The following INVS variants were observed in gnomAD, a reference collection of about 807,000 sequenced individuals.
INVS encodes inversion of embryo turning homolog.
Under a neutral mutation model 108.8 loss-of-function variants are expected in INVS, and 86 were observed. That is an observed-to-expected ratio of 0.79 (90% CI 0.66 to 0.95). The LOEUF is 0.95. Among genes scored for constraint, INVS ranks in the 40% least tolerant of loss-of-function variants. The pLI, the probability that INVS is intolerant of heterozygous loss-of-function variation, is 0.00. For synonymous variants in INVS, 455 were observed against 473.5 expected (o/e 0.96, Z 0.51); for missense variants, 1,169 against 1,297.4 (o/e 0.90, Z 1.52).
intron 10 of INVS, among the ~76,000 whole-genome samples, chr9:100,259,793 G>A (rs1240628222): frequency 5.9e-5 from 9 of 151,266 alleles, no homozygotes; most frequent in Middle Eastern, 7.0e-3. Flanking sequence ...CAGGTGATCC[G>A]CCCGCCTCGG....
intron 3 of INVS, among the ~76,000 whole-genome samples, chr9:100,225,149 C>G (rs143890893): frequency 1.3e-5 from 2 of 151,738 alleles, no homozygotes; most frequent in African/African-American, 4.8e-5. Flanking sequence ...GCTCCGCCTC[C>G]CAGGTTCACG....
At chr9:100,139,337 T>A (rs758936824) in intron 3 of INVS, among the ~76,000 whole-genome samples, 23 of 152,234 alleles carry the variant, frequency 1.5e-4, no homozygotes, top group Admixed American at 9.2e-4. Flanking sequence ...TATTAACTCC[T>A]TTCCTTTAAC....
rs567046441 is a variant in INVS at position 100,256,862 on chromosome 9, G to A, written c.1464+3726G>A. Among the ~76,000 whole-genome samples, 11 of 152,292 alleles carry A rather than the reference G, an allele frequency of 7.2e-5. 1 individual carries two copies. In the South Asian group the frequency reaches 2.3e-3, roughly 32 times the overall value. ...TCAATTTTGGAATAAGTGCAATGTG[G>A]TACTGAGAAGAATGTATATTCTGTT... On this transcript the variant is annotated intron_variant, in intron 10 of 16. Coordinates refer to ENST00000262457, the MANE Select transcript of INVS (RefSeq NM_014425.5).
At chr9:100,108,773 A>G (rs1459211420) in intron 2 of INVS, among the ~76,000 whole-genome samples, 3 of 152,202 alleles carry the variant, frequency 2.0e-5, no homozygotes, top group Non-Finnish European at 2.9e-5. Flanking sequence ...CTCTTTCTAC[A>G]TACACAACGA....
chr9:100,116,369 A>G (rs549618632), intron 2 of INVS, among the ~76,000 whole-genome samples: 1 of 152,132 alleles, frequency 6.6e-6, no homozygotes, highest in East Asian at 1.9e-4. Context: ...TCTGCCTCCC[A>G]AAGTGCTGGG....
At chr9:100,120,916 C>G (rs1393412416) in intron 2 of INVS, 2 of 152,192 alleles carry the variant, frequency 1.3e-5, no homozygotes, top group Non-Finnish European at 2.9e-5. Context: ...CTAGTCATAG[C>G]TCTAAGCTCC....
intron 3 of INVS, among the ~76,000 whole-genome samples, chr9:100,193,168 TG>T (rs989229143): frequency 6.6e-6 from 1 of 152,014 alleles, no homozygotes; most frequent in African/African-American, 2.4e-5. Context: ...TTTGTAGAGA[TG>T]GGGTGTCGCT....
At chr9:100,182,943 C>T (rs949584986) in intron 3 of INVS, among the ~76,000 whole-genome samples, 1 of 152,074 alleles carries the variant, frequency 6.6e-6, no homozygotes, top group Non-Finnish European at 1.5e-5. Context: ...TACTATGCAG[C>T]CATAAAAAGG....
chr9:100,287,402 A>T (rs1210599732), intron 13 of INVS, among the ~76,000 whole-genome samples: 1 of 152,232 alleles, frequency 6.6e-6, no homozygotes, highest in African/African-American at 2.4e-5. Flanking sequence ...ACCTTTGTGC[A>T]TACTAAGATG....
intron 2 of INVS, among the ~76,000 whole-genome samples, chr9:100,119,887 A>G (rs1382147425): frequency 6.6e-6 from 1 of 152,210 alleles, no homozygotes; most frequent in African/African-American, 2.4e-5. Context: ...GGTACTTAAT[A>G]TGTCAACCTT....
rs764696545 is a variant in INVS at position 100,300,525 on chromosome 9, AAATT to A, written c.3092-39_3092-36del. The A allele has an allele frequency of 9.7e-6, 13 of 1,339,168 alleles. 2 individuals carry two copies. In the South Asian group the frequency reaches 1.5e-4, roughly 16 times the overall value. The allele number at this position is 1,339,168 out of a possible 1,614,324, so 83.0% of individuals were successfully genotyped here. On this transcript the variant is annotated intron_variant, in intron 16 of 16. Coordinates refer to ENST00000262457, the MANE Select transcript of INVS (RefSeq NM_014425.5). ...CAATGAACTATTCCCTTCAGCCTTA[AAATT>A]AATAACCTTAATATCTATCTGGTAT...
chr9:100,270,551 C>T (rs1453434793), intron 11 of INVS, among the ~76,000 whole-genome samples: 1 of 151,758 alleles, frequency 6.6e-6, no homozygotes, highest in Admixed American at 6.6e-5. Flanking sequence ...TCGAGACCAG[C>T]CTGACCAATA....
At chr9:100,217,826 C>A (rs1054687799) in intron 3 of INVS, among the ~76,000 whole-genome samples, 26 of 152,142 alleles carry the variant, frequency 1.7e-4, no homozygotes, top group Non-Finnish European at 1.8e-4. Flanking sequence ...GGGCAGATTG[C>A]CTCTCCCAAC....
At chr9:100,171,879 A>C (rs751108673) in intron 3 of INVS, among the ~76,000 whole-genome samples, 1 of 152,294 alleles carries the variant, frequency 6.6e-6, no homozygotes. Flanking sequence ...TAGATTCATG[A>C]CTTAGGCTCT....
At chr9:100,223,631 T>C (rs758805170) in intron 3 of INVS, among the ~76,000 whole-genome samples, 1 of 152,182 alleles carries the variant, frequency 6.6e-6, no homozygotes, top group Non-Finnish European at 1.5e-5. Context: ...CTGAGAAAAG[T>C]ACTATGAGAG....
chr9:100,122,864 G>A (rs846757), intron 2 of INVS, among the ~76,000 whole-genome samples: 141,019 of 152,108 alleles, frequency 0.93, 65,475 homozygotes, highest in African/African-American at 0.97. Context: ...GATTACAGGC[G>A]TGAGCCACTG....
intron 2 of INVS, chr9:100,117,617 C>A: frequency 1.6e-6 from 1 of 638,780 alleles, no homozygotes; most frequent in East Asian, 2.8e-5. Flanking sequence ...CCGCCCCCCC[C>A]GCCCACCTCC....
chr9:100,104,645 G>GT lies in INVS; in HGVS notation c.106+19dup, dbSNP rs1564114408. The GT allele has an allele frequency of 1.3e-6, 2 of 1,547,298 alleles. No individual in the cohort carries two copies. The highest frequency in any genetic ancestry group is 3.3e-5 in the Admixed American group (2 of 59,926). On this transcript the variant is annotated intron_variant, in intron 2 of 16. Coordinates refer to ENST00000262457, the MANE Select transcript of INVS (RefSeq NM_014425.5). The stretch of plus-strand genomic sequence containing the variant: ...CATCGTAGGTAAGCAGTCCCCTTAA[G>GT]TACAGAAACTTTAAAAGCAACTGTT...
intron 5 of INVS, among the ~76,000 whole-genome samples, chr9:100,232,767 T>C (rs1184519663): frequency 6.6e-6 from 1 of 152,202 alleles, no homozygotes; most frequent in Admixed American, 6.5e-5. Flanking sequence ...CCTTGTATTA[T>C]AGTTTGAAGT....
Sources: allele counts gnomAD v4.1 joint callset (sites outside exome capture counted in the v4.1 genomes callset), GRCh38; gene constraint gnomAD v4.1.1; transcripts MANE v1.5; gene names NCBI Gene and HGNC (gene_info 2026-07-23, HGNC 2026-07-21).